Variants in SSBP2 observed in about 807,000 individuals in gnomAD.
The protein encoded by SSBP2 is single-stranded DNA-binding protein 2.
Under a neutral mutation model 61.8 loss-of-function variants are expected in SSBP2, and 17 were observed. The observed-to-expected ratio is 0.28, with a 90% CI of 0.19 to 0.41. SSBP2 has a LOEUF of 0.41. Among genes scored for constraint, SSBP2 ranks in the 10% least tolerant of loss-of-function variants. The pLI is 1.00. For synonymous variants in SSBP2, 139 were observed against 141.3 expected (o/e 0.98, Z 0.12); for missense variants, 310 against 458.7 (o/e 0.68, Z 2.96).
chr5:81,712,872 C>G (rs977400092), intron 1 of SSBP2, among the ~76,000 whole-genome samples: 1 of 151,618 alleles, frequency 6.6e-6, no homozygotes, highest in South Asian at 2.1e-4. Flanking sequence ...TACAGGTATG[C>G]GCCATCATGC....
chr5:81,549,624 G>A (rs1451079174), intron 4 of SSBP2, among the ~76,000 whole-genome samples: 1 of 152,202 alleles, frequency 6.6e-6, no homozygotes, highest in Non-Finnish European at 1.5e-5. Flanking sequence ...GTGTGTGGTA[G>A]TATCTACTGA....
intron 1 of SSBP2, among the ~76,000 whole-genome samples, chr5:81,655,772 C>CT (rs1223304692): frequency 6.6e-6 from 1 of 152,218 alleles, no homozygotes; most frequent in African/African-American, 2.4e-5. Context: ...CACACGTGTA[C>CT]TCACAAATGC....
chr5:81,516,624 C>T lies in SSBP2; in HGVS notation c.283-2907G>A. Among the ~76,000 whole-genome samples, 2 of 151,952 alleles carry T rather than the reference C, an allele frequency of 1.3e-5. 1 individual carries two copies. Among genetic ancestry groups the T allele is most frequent in the African/African-American group, 4.8e-5 (2 of 41,412 alleles). ...TATTACACGGACTCAGCTTAGGGTA[C>T]CATTTGGTACCCTATGCTGATCATT... On this transcript the variant is annotated intron_variant, in intron 4 of 16. Coordinates refer to ENST00000320672, the MANE Select transcript of SSBP2 (RefSeq NM_012446.5).
chr5:81,750,984 T>A lies in SSBP2; in HGVS notation c.59A>T (p.Glu20Val). 6.3e-7 allele frequency: 1 copy of A among 1,595,300 alleles called. No individual in the cohort carries two copies. The highest frequency in any genetic ancestry group is 8.5e-7 in the Non-Finnish European group (1 of 1,170,990). The change falls in exon 1 of 17, where the codon GAG becomes GTG. Residue 20 changes from glutamate (E) to valine (V), a missense_variant. This residue lies in a region of SSBP2 where 36 missense variants were observed against 27.0 expected (regional missense o/e 1.33). Transcript: ENST00000320672. ...GGTGAGAAGCGGAGACACTTACTTC[T>A]CCCGGGCCTGGCTGTCGGACGGGAC...
intron 1 of SSBP2, among the ~76,000 whole-genome samples, chr5:81,715,408 C>G (rs985930360): frequency 3.3e-5 from 5 of 152,078 alleles, no homozygotes; most frequent in African/African-American, 1.2e-4. Context: ...TATGCCAAAA[C>G]CAGGTAAACA....
At chr5:81,495,950 T>A (rs1203046742) in intron 5 of SSBP2, among the ~76,000 whole-genome samples, 1 of 152,164 alleles carries the variant, frequency 6.6e-6, no homozygotes, top group East Asian at 1.9e-4. Flanking sequence ...TTTTATTTTA[T>A]GAGCACAATT....
chr5:81,662,970 T>C (rs563217404), intron 1 of SSBP2, among the ~76,000 whole-genome samples: 1 of 152,326 alleles, frequency 6.6e-6, no homozygotes, highest in South Asian at 2.1e-4. Context: ...ACAGAGACTG[T>C]TACTTAAGTG....
chr5:81,658,755 T>C (rs1020256908), intron 1 of SSBP2, among the ~76,000 whole-genome samples: 3 of 152,168 alleles, frequency 2.0e-5, no homozygotes, highest in Admixed American at 2.0e-4. Context: ...TGAACATCGA[T>C]GCGAAAATCC....
rs148162913 is a variant in SSBP2, at chr5:81,715,042, G to A, written c.62+35939C>T. ...TAAAGGAAAACCAAAATAGAAAGAT[G>A]TGGAAAATATTTAAGAGAAAAGATA... is the stretch of plus-strand genomic sequence containing the variant. On this transcript the variant is annotated intron_variant, in intron 1 of 16. Coordinates refer to ENST00000320672, the MANE Select transcript of SSBP2 (RefSeq NM_012446.5). Among the ~76,000 whole-genome samples, 9 of 152,154 alleles carry A rather than the reference G, an allele frequency of 5.9e-5. No homozygotes were observed. In the East Asian group the frequency reaches 1.4e-3, roughly 23 times the overall value.
At chr5:81,487,676 T>C (rs1230557206) in intron 6 of SSBP2, among the ~76,000 whole-genome samples, 1 of 151,916 alleles carries the variant, frequency 6.6e-6, no homozygotes, top group Non-Finnish European at 1.5e-5. Context: ...AATGTGATGA[T>C]TTGACATACC....
chr5:81,532,187 G>A (rs1479241713), intron 4 of SSBP2, among the ~76,000 whole-genome samples: 2 of 152,104 alleles, frequency 1.3e-5, no homozygotes, highest in African/African-American at 2.4e-5. Context: ...ATGTTCCTTA[G>A]TATGGAGGAG....
intron 5 of SSBP2, among the ~76,000 whole-genome samples, chr5:81,494,016 GTAAT>G (rs954193687): frequency 6.6e-5 from 10 of 152,164 alleles, no homozygotes; most frequent in Non-Finnish European, 1.2e-4. Flanking sequence ...TCACAGTCTT[GTAAT>G]TAATAGGAGA....
chr5:81,691,838 C>T (rs1753224307), intron 1 of SSBP2, among the ~76,000 whole-genome samples: 1 of 152,138 alleles, frequency 6.6e-6, no homozygotes, highest in East Asian at 1.9e-4. Flanking sequence ...CCAAATTCAA[C>T]AACACATTAA....
At chr5:81,601,321 G>C (rs997383266) in intron 4 of SSBP2, among the ~76,000 whole-genome samples, 18 of 152,182 alleles carry the variant, frequency 1.2e-4, no homozygotes, top group African/African-American at 4.1e-4. Context: ...TTGGTAAGGC[G>C]GCTGTGAATA....
At chr5:81,484,581 T>A (rs1580802408) in intron 6 of SSBP2, among the ~76,000 whole-genome samples, 1 of 152,042 alleles carries the variant, frequency 6.6e-6, no homozygotes, top group African/African-American at 2.4e-5. Flanking sequence ...ATCATAAAAA[T>A]AAAAAATAAT....
intron 2 of SSBP2, among the ~76,000 whole-genome samples, chr5:81,637,943 G>A (rs1328257945): frequency 1.3e-5 from 2 of 152,144 alleles, no homozygotes; most frequent in South Asian, 2.1e-4. Flanking sequence ...ATGAGTTCAC[G>A]TCCTTTGTAG....
chr5:81,493,444 C>T (rs1767039117), intron 5 of SSBP2, among the ~76,000 whole-genome samples: 1 of 151,676 alleles, frequency 6.6e-6, no homozygotes, highest in Non-Finnish European at 1.5e-5. Flanking sequence ...TACACAACAC[C>T]ACACCTGGGT....
At chr5:81,432,212 A>T (rs961520275) in intron 15 of SSBP2, among the ~76,000 whole-genome samples, 4 of 152,154 alleles carry the variant, frequency 2.6e-5, no homozygotes, top group Middle Eastern at 3.4e-3. Context: ...AGCACACATG[A>T]GATGATGGTG....
chr5:81,474,718 G>T (rs1173216503), intron 6 of SSBP2, among the ~76,000 whole-genome samples, 156 bp from the exon 7 acceptor site: 1 of 152,008 alleles, frequency 6.6e-6, no homozygotes, highest in Non-Finnish European at 1.5e-5. Context: ...TATAAGTTTT[G>T]CAGGTTTATA....
Sources: allele counts gnomAD v4.1 joint callset (sites outside exome capture counted in the v4.1 genomes callset), GRCh38; gene constraint gnomAD v4.1.1; regional missense constraint gnomAD v4.1.1; transcripts MANE v1.5; gene names NCBI Gene and HGNC (gene_info 2026-07-23, HGNC 2026-07-21).